MICU3: variants seen among roughly 807,000 people sequenced by gnomAD.
The protein encoded by MICU3 is mitochondrial calcium uptake 3, also known as calcium uptake protein 3, mitochondrial.
MICU3 carries 62 observed loss-of-function variants against 66.5 expected under a neutral mutation model. That is an observed-to-expected ratio of 0.93 (90% CI 0.76 to 1.15). MICU3 has a LOEUF of 1.15. Among genes scored for constraint, MICU3 ranks in the 50% most tolerant of loss-of-function variants. The pLI is 0.00. For synonymous variants in MICU3, 308 were observed against 240.7 expected (o/e 1.28, Z -2.59); for missense variants, 779 against 664.4 (o/e 1.17, Z -1.90).
the MICU3 span, among the ~76,000 whole-genome samples, chr8:17,137,173 CA>C: frequency 6.6e-6 from 1 of 152,004 alleles, no homozygotes; most frequent in East Asian, 1.9e-4. Flanking sequence ...GCTTCTAGCC[CA>C]AAGGTTGCAA....
chr8:17,042,741 C>G (rs1188050100), intron 1 of MICU3, among the ~76,000 whole-genome samples: 1 of 151,968 alleles, frequency 6.6e-6, no homozygotes, highest in Non-Finnish European at 1.5e-5. Flanking sequence ...TTCTAAAACT[C>G]CATTTCTAGA....
At chr8:17,048,797 A>G (rs1029318750) in intron 1 of MICU3, among the ~76,000 whole-genome samples, 1 of 151,978 alleles carries the variant, frequency 6.6e-6, no homozygotes, top group Non-Finnish European at 1.5e-5. Context: ...TTTTAAAAAA[A>G]TTGTAGAGAC....
rs143132509 is a variant in MICU3 at position 17,105,561 on chromosome 8, C to T, written c.1234C>T (p.Arg412Cys). The T allele has an allele frequency of 5.0e-4, 774 of 1,557,836 alleles. 1 individual carries two copies. The highest frequency in any genetic ancestry group is 8.0e-4 in the Admixed American group (39 of 48,964). ...TACATCAGTATTTTTAGAAAATGTGCGTTACAGTATACCTGAAGAAAAGGT... is the reference window on the plus strand; with the variant it reads ...TACATCAGTATTTTTAGAAAATGTGTGTTACAGTATACCTGAAGAAAAGGT... ...ENTSVFLENV[R>C]YSIPEEKGIT... is the part of the protein sequence containing the mutation. The change falls in exon 11 of 15, where the codon CGT becomes TGT. Residue 412 changes from arginine to cysteine, a missense_variant. By Grantham distance (180) the Arg-to-Cys change is radical (BLOSUM62 -3). Coordinates refer to ENST00000318063, the MANE Select transcript of MICU3 (RefSeq NM_181723.3).
At chr8:17,110,631 A>T (rs1422444713) in intron 11 of MICU3, among the ~76,000 whole-genome samples, 1 of 152,072 alleles carries the variant, frequency 6.6e-6, no homozygotes, top group East Asian at 1.9e-4. Context: ...TGGTGCAACC[A>T]TAGGTCACTG....
At chr8:17,112,516 C>A (rs907268503) in intron 11 of MICU3, among the ~76,000 whole-genome samples, 1 of 152,024 alleles carries the variant, frequency 6.6e-6, no homozygotes, top group African/African-American at 2.4e-5. Flanking sequence ...AAATACATGG[C>A]CCATTTGTTA....
chr8:17,105,853 A>T (rs1851712), intron 11 of MICU3, among the ~76,000 whole-genome samples: 27,960 of 151,940 alleles, frequency 0.18, 2,803 homozygotes, highest in African/African-American at 0.24. Context: ...ATCATTTTTC[A>T]GGAGAATTCC....
At chr8:17,138,343 C>T in the MICU3 span, among the ~76,000 whole-genome samples, 715 of 151,976 alleles carry the variant, frequency 4.7e-3, 6 homozygotes, top group Middle Eastern at 0.017. Context: ...GAAGCTGTTT[C>T]GGAAAAAAAG....
chr8:17,107,065 T>G (rs1010595826), intron 11 of MICU3, among the ~76,000 whole-genome samples: 10 of 152,196 alleles, frequency 6.6e-5, no homozygotes, highest in Admixed American at 4.6e-4. Flanking sequence ...TTATTGAGCA[T>G]CTACTATTTA....
rs35133600 is a variant in MICU3 at position 17,039,895 on chromosome 8, C to CTTT, written c.381+12262_381+12264dup. 6.6e-3 allele frequency among the ~76,000 whole-genome samples: 412 copies of CTTT among 62,554 alleles called. 127 individuals carry two copies. Among genetic ancestry groups the CTTT allele is most frequent in the Non-Finnish European group, 7.6e-3 (281 of 36,840 alleles). 41.0% of individuals were successfully genotyped at this position (62,554 alleles called of 152,430 possible). A position where few individuals can be genotyped will look rare whatever the true frequency, so the allele number is the denominator to read the frequency against. Reference sequence around the variant, plus strand: ...ATGAAGGTATCCATCATCTTGCATTCTTTTTTTTTTTTTTTTTTTTTTTTT... The same window carrying CTTT: ...ATGAAGGTATCCATCATCTTGCATTCTTTTTTTTTTTTTTTTTTTTTTTTTTTT... On this transcript the variant is annotated intron_variant, in intron 1 of 14. Transcript: ENST00000318063.
At position 17,121,523 on chromosome 8, in the gene MICU3, T is replaced by A. The variant is rs953685345; in HGVS notation, c.*1236T>A. ...AGAACAATTAGTCTGAATTAACGTA[T>A]TTACATATTGCATATGGAAGATAAG... is the stretch of plus-strand genomic sequence containing the variant. On this transcript the variant is annotated 3_prime_UTR_variant, in exon 15 of 15. Transcript: ENST00000318063. The A allele has an allele frequency of 3.3e-5, 5 of 152,184 alleles. No individual in the cohort carries two copies. Among genetic ancestry groups the A allele is most frequent in the Non-Finnish European group, 7.4e-5 (5 of 67,744 alleles). The allele number at this position is 152,184 out of a possible 1,614,324, so 9.4% of individuals were successfully genotyped here. A position where few individuals can be genotyped will look rare whatever the true frequency, so the allele number is the denominator to read the frequency against.
In MICU3 at chr8:17,027,312, A is replaced by T; in HGVS notation, c.33A>T (p.Pro11=). ...CGCTGCGAAGGCTCTTGTGGCCGCC[A>T]CCCCGGGTGTCTCCTCCACTCTGCG... MAALRRLLWP[P]PRVSPPLCAH... The change falls in exon 1 of 15, where the codon CCA becomes CCT. Residue 11 remains proline (P), a synonymous_variant. Coordinates refer to ENST00000318063, the MANE Select transcript of MICU3 (RefSeq NM_181723.3). 7.4e-7 allele frequency: 1 copy of T among 1,359,438 alleles called. No individual in the cohort carries two copies. Among genetic ancestry groups the T allele is most frequent in the Non-Finnish European group, 9.6e-7 (1 of 1,041,612 alleles). 84.2% of individuals were successfully genotyped at this position (1,359,438 alleles called of 1,614,324 possible).
intron 1 of MICU3, among the ~76,000 whole-genome samples, chr8:17,052,017 G>T (rs1223161845): frequency 6.6e-6 from 1 of 152,150 alleles, no homozygotes; most frequent in African/African-American, 2.4e-5. Flanking sequence ...CTGAACCAAA[G>T]TCTGAATAGG....
chr8:17,038,440 T>G (rs1454022805), intron 1 of MICU3, among the ~76,000 whole-genome samples: 1 of 152,206 alleles, frequency 6.6e-6, no homozygotes, highest in African/African-American at 2.4e-5. Context: ...CTGACATGAC[T>G]GTGAGACCTC....
At chr8:17,067,979 T>C (rs1189450606) in intron 2 of MICU3, among the ~76,000 whole-genome samples, 1 of 152,184 alleles carries the variant, frequency 6.6e-6, no homozygotes, top group Non-Finnish European at 1.5e-5. Flanking sequence ...AGAACCTAAA[T>C]GGTGACTTTC....
chr8:17,089,780 C>T (rs1799853463), intron 7 of MICU3, among the ~76,000 whole-genome samples: 1 of 151,908 alleles, frequency 6.6e-6, no homozygotes, highest in African/African-American at 2.4e-5. Context: ...GCTACTTAAC[C>T]ATGTGAAATG....
chr8:17,090,492 T>A, intron 7 of MICU3, 54 bp from the exon 8 acceptor site: 1 of 1,517,746 alleles, frequency 6.6e-7, no homozygotes, highest in East Asian at 2.3e-5. Context: ...TTTGCTGTAC[T>A]TGGGTTCATT....
chr8:17,068,876 G>C (rs1243128268), intron 2 of MICU3, among the ~76,000 whole-genome samples: 2 of 152,120 alleles, frequency 1.3e-5, no homozygotes, highest in Admixed American at 1.3e-4. Flanking sequence ...ATATTAACCA[G>C]TTTCCTAATA....
Position 17,044,495 on chromosome 8 carries a change from A to G in MICU3, c.381+16835A>G, listed in dbSNP as rs565095846. Among the ~76,000 whole-genome samples, 296 of 152,298 alleles carry G rather than the reference A, an allele frequency of 1.9e-3. 1 individual carries two copies. The highest frequency in any genetic ancestry group is 3.2e-3 in the Non-Finnish European group (218 of 68,012). On this transcript the variant is annotated intron_variant, in intron 1 of 14. Coordinates refer to ENST00000318063, the MANE Select transcript of MICU3 (RefSeq NM_181723.3). ...AATTAAAAATTTTTTTTTTGGAAAA[A>G]CAAAGCACTGAAGACAGAGGGATCA...
chr8:17,070,714 C>A (rs556103742), intron 3 of MICU3, among the ~76,000 whole-genome samples: 1 of 151,794 alleles, frequency 6.6e-6, no homozygotes, highest in South Asian at 2.1e-4. Context: ...CCTCCAAAAG[C>A]CTACAGCAAA....
Sources: gnomAD v4.1 joint callset for allele counts (sites outside exome capture counted in the v4.1 genomes callset) on GRCh38, gnomAD v4.1.1 for gene constraint, MANE v1.5 for transcripts, NCBI Gene and HGNC (gene_info 2026-07-23, HGNC 2026-07-21) for gene names.